ANK2: variants seen among roughly 807,000 people sequenced by gnomAD.
The protein encoded by ANK2 is ankyrin 2.
In ANK2, 83 loss-of-function variants were observed where a neutral mutation model predicts 360.5. That is an observed-to-expected ratio of 0.23 (90% CI 0.19 to 0.28). The LOEUF (loss-of-function observed/expected upper bound fraction) is 0.28. Among genes scored for constraint, ANK2 ranks in the 10% least tolerant of loss-of-function variants. ANK2 has a pLI of 1.00. For synonymous variants in ANK2, 1,740 were observed against 1,759.5 expected (o/e 0.99, Z 0.28); for missense variants, 4,201 against 4,795.7 (o/e 0.88, Z 3.66).
At chr4:113,190,024 A>C (rs1026462581) in intron 2 of ANK2, among the ~76,000 whole-genome samples, 1 of 152,160 alleles carries the variant, frequency 6.6e-6, no homozygotes, top group African/African-American at 2.4e-5. Context: ...TTAGAAACAC[A>C]GAATTTTGTT....
the ANK2 span, among the ~76,000 whole-genome samples, chr4:112,796,432 AT>A: frequency 1.2e-3 from 153 of 125,242 alleles, no homozygotes; most frequent in Middle Eastern, 0.011. Context: ...TCAAAAAAAA[AT>A]ATCTATATAT....
Position 113,242,163 on chromosome 4 carries a change from T to G in ANK2, c.845T>G (p.Val282Gly). ...VASKRGNTNMVKLLLDRGGQI... is the reference protein window; with the variant it reads ...VASKRGNTNMGKLLLDRGGQI... ...TCCAAAAGAGGAAATACAAACATGG[T>G]GAAGCTCTTACTGGATCGAGGCGGT... Residue 282 changes from valine (V) to glycine (G), a missense_variant, in exon 9 of 46, where the codon GTG (valine) becomes GGG (glycine). Val to Gly is a moderately radical substitution (Grantham distance 109). Transcript: ENST00000357077. The G allele has an allele frequency of 6.2e-7, 1 of 1,614,068 alleles. No homozygotes were observed. Among genetic ancestry groups the G allele is most frequent in the Non-Finnish European group, 8.5e-7 (1 of 1,179,958 alleles).
chr4:113,037,847 A>G (rs1359470136), intron 2 of ANK2, among the ~76,000 whole-genome samples: 1 of 152,056 alleles, frequency 6.6e-6, no homozygotes, highest in African/African-American at 2.4e-5. Flanking sequence ...GTCCAGCACA[A>G]ATGATATCCA....
At chr4:113,329,455 A>T (rs973450266) in intron 26 of ANK2, among the ~76,000 whole-genome samples, 2 of 152,204 alleles carry the variant, frequency 1.3e-5, no homozygotes, top group African/African-American at 4.8e-5. Context: ...ATTAGCTATA[A>T]TTTTTTACAT....
At chr4:113,013,448 G>A (rs886993985) in intron 2 of ANK2, among the ~76,000 whole-genome samples, 4 of 152,072 alleles carry the variant, frequency 2.6e-5, no homozygotes, top group African/African-American at 7.2e-5. Context: ...TGGTATTTAT[G>A]TCTTTCTCAA....
intron 1 of ANK2, among the ~76,000 whole-genome samples, chr4:112,824,563 G>A (rs1448423675): frequency 6.6e-6 from 1 of 151,352 alleles, no homozygotes; most frequent in African/African-American, 2.4e-5. Context: ...GGAGTGCAGT[G>A]GTGCGATCTC....
chr4:113,161,224 C>T (rs1165959561), intron 1 of ANK2, among the ~76,000 whole-genome samples: 1 of 152,216 alleles, frequency 6.6e-6, no homozygotes, highest in African/African-American at 2.4e-5. Context: ...GTTTTGAAAG[C>T]TGCCTCAGAA....
At chr4:113,280,019 T>C (rs1157052360) in intron 17 of ANK2, among the ~76,000 whole-genome samples, 1 of 152,174 alleles carries the variant, frequency 6.6e-6, no homozygotes, top group Non-Finnish European at 1.5e-5. Context: ...GATGAAAGAA[T>C]GAAGATTGAG....
intron 1 of ANK2, among the ~76,000 whole-genome samples, chr4:113,129,137 G>A (rs1181308950): frequency 6.6e-6 from 1 of 152,082 alleles, no homozygotes; most frequent in Non-Finnish European, 1.5e-5. Flanking sequence ...ATAGCCCGGG[G>A]TCTTTACTAA....
chr4:112,898,063 T>C (rs2082246171), intron 1 of ANK2, among the ~76,000 whole-genome samples: 1 of 152,168 alleles, frequency 6.6e-6, no homozygotes, highest in Non-Finnish European at 1.5e-5. Context: ...CAATAGACTT[T>C]ATTTTTTAGA....
intron 2 of ANK2, among the ~76,000 whole-genome samples, chr4:113,191,061 TG>T (rs1435168321): frequency 6.6e-6 from 1 of 152,120 alleles, no homozygotes; most frequent in Non-Finnish European, 1.5e-5. Context: ...GAGTTGAGGC[TG>T]GGTATGGTGG....
At chr4:113,103,521 G>C (rs944153864) in intron 1 of ANK2, among the ~76,000 whole-genome samples, 5 of 152,110 alleles carry the variant, frequency 3.3e-5, no homozygotes, top group African/African-American at 1.2e-4. Flanking sequence ...ATTTTTGAAA[G>C]TAGTCAAAAG....
the ANK2 span, chr4:112,788,109 T>A: frequency 6.4e-7 from 1 of 1,570,026 alleles, no homozygotes; most frequent in Non-Finnish European, 8.7e-7. Flanking sequence ...GCAAGTTCTT[T>A]AGCCTTTGCC....
At chr4:113,209,835 A>C (rs1210027249) in intron 4 of ANK2, among the ~76,000 whole-genome samples, 1 of 150,330 alleles carries the variant, frequency 6.7e-6, no homozygotes, top group East Asian at 1.9e-4. Flanking sequence ...CTTTGTTTAA[A>C]AATGTAGGGT....
intron 2 of ANK2, among the ~76,000 whole-genome samples, chr4:113,039,779 GGT>G (rs1236231441): frequency 6.6e-6 from 1 of 151,816 alleles, no homozygotes; most frequent in East Asian, 1.9e-4. Context: ...TGGATACAAT[GGT>G]TTCTAAGTTA....
chr4:112,855,880 T>A (rs940848442), intron 1 of ANK2, among the ~76,000 whole-genome samples: 1 of 152,210 alleles, frequency 6.6e-6, no homozygotes, highest in African/African-American at 2.4e-5. Context: ...GTTCCTGCTG[T>A]CATTTTAATG....
Position 113,174,524 on chromosome 4 carries a change from A to C in ANK2, c.186+7A>C. The C allele has an allele frequency of 6.3e-7, 1 of 1,585,798 alleles. No individual in the cohort carries two copies. Among genetic ancestry groups the C allele is most frequent in the East Asian group, 2.2e-5 (1 of 44,648 alleles). On this transcript the variant is annotated splice_region_variant and intron_variant, in intron 2 of 45. Coordinates refer to ENST00000357077, the MANE Select transcript of ANK2 (RefSeq NM_001148.6). ...CATCAATACCTGCAATCAGGTAAGA[A>C]CATGGCAGCTAGCTCTGTGTTGTGC...
At chr4:112,723,582 TC>T in the ANK2 span, among the ~76,000 whole-genome samples, 1 of 152,204 alleles carries the variant, frequency 6.6e-6, no homozygotes, top group Non-Finnish European at 1.5e-5. Context: ...CAGGCTGGTC[TC>T]GAACTCCTGA....
At chr4:113,220,498 AATTT>A (rs1374003109) in intron 4 of ANK2, among the ~76,000 whole-genome samples, 2 of 152,194 alleles carry the variant, frequency 1.3e-5, no homozygotes, top group African/African-American at 2.4e-5. Context: ...TTTTTTAAAA[AATTT>A]ATTTGTTTTC....
Sources: gnomAD v4.1 joint callset for allele counts (sites outside exome capture counted in the v4.1 genomes callset) on GRCh38, gnomAD v4.1.1 for gene constraint, MANE v1.5 for transcripts, NCBI Gene and HGNC (gene_info 2026-07-23, HGNC 2026-07-21) for gene names.